The following KIF9 variants were observed in gnomAD, a reference collection of about 807,000 sequenced individuals.
KIF9 encodes the protein kinesin-like protein KIF9.
Under a neutral mutation model 94.8 loss-of-function variants are expected in KIF9, and 68 were observed. The ratio of observed to expected loss-of-function variants is 0.72; its 90% CI spans 0.59 to 0.88. KIF9 has a LOEUF of 0.88. KIF9 is among the 40% of genes least tolerant of loss of function. The pLI, the probability that KIF9 is intolerant of heterozygous loss-of-function variation, is 0.00. For missense variants in KIF9, 882 were observed against 982.5 expected, an observed-to-expected ratio of 0.90 and a Z score of 1.37; for synonymous variants, 343 against 362.1, an observed-to-expected ratio of 0.95 and a Z score of 0.60.
At position 47,236,023 on chromosome 3, in the gene KIF9, G is replaced by C; in HGVS notation, c.2217+11C>G. The C allele has an allele frequency of 6.2e-7, 1 of 1,602,954 alleles. No homozygotes were observed. The highest frequency in any genetic ancestry group is 8.5e-7 in the Non-Finnish European group (1 of 1,170,114). ...CAACCACTGCCACACCCCTGCCCCT[G>C]TGCCGCTCACCAGAGACACAATCCT... On this transcript the variant is annotated intron_variant, in intron 19 of 20. Transcript: ENST00000684063.
At chr3:47,253,808 T>G (rs1309564858) in intron 10 of KIF9, among the ~76,000 whole-genome samples, 1 of 152,224 alleles carries the variant, frequency 6.6e-6, no homozygotes, top group Non-Finnish European at 1.5e-5. Context: ...ATTATGTTTC[T>G]AATTTTTTGC....
chr3:47,261,403 G>A (rs1385632165), intron 9 of KIF9, among the ~76,000 whole-genome samples: 2 of 152,186 alleles, frequency 1.3e-5, no homozygotes, highest in East Asian at 1.9e-4. Flanking sequence ...GCAGCTATGG[G>A]AGCAGGCCCA....
chr3:47,253,882 C>T (rs1213071381), intron 10 of KIF9, among the ~76,000 whole-genome samples: 1 of 152,158 alleles, frequency 6.6e-6, no homozygotes, highest in African/African-American at 2.4e-5. Flanking sequence ...TATAAAGAGA[C>T]TTATAGACTC....
At chr3:47,234,638 T>A (rs1310857012) in intron 20 of KIF9, among the ~76,000 whole-genome samples, 1 of 149,484 alleles carries the variant, frequency 6.7e-6, no homozygotes, top group Non-Finnish European at 1.5e-5. Context: ...CACTGCAACC[T>A]CTACCTCCCA....
At chr3:47,276,294 G>T (rs1022575297) in intron 2 of KIF9, among the ~76,000 whole-genome samples, 2 of 152,128 alleles carry the variant, frequency 1.3e-5, no homozygotes, top group Non-Finnish European at 2.9e-5. Flanking sequence ...GGTGGCTCAC[G>T]CCTGTAATCC....
intron 16 of KIF9, among the ~76,000 whole-genome samples, chr3:47,242,265 TA>T (rs1699625382): frequency 6.6e-6 from 1 of 152,178 alleles, no homozygotes; most frequent in African/African-American, 2.4e-5. Flanking sequence ...TTCATGTTAT[TA>T]AAAACCCTTT....
chr3:47,265,945 TC>T, intron 7 of KIF9, 68 bp from the exon 8 acceptor site: 2 of 1,560,108 alleles, frequency 1.3e-6, no homozygotes, highest in Non-Finnish European at 1.8e-6. Context: ...ATAGCAGTCT[TC>T]CTGGTCTGGA....
intron 20 of KIF9, among the ~76,000 whole-genome samples, chr3:47,229,945 G>A (rs1698437182): frequency 6.6e-6 from 1 of 152,024 alleles, no homozygotes; most frequent in Admixed American, 6.5e-5. Flanking sequence ...TGTTAGCCAG[G>A]CTGGTCCTGA....
intron 3 of KIF9, 83 bp downstream of exon 3, chr3:47,275,242 C>T: frequency 9.4e-7 from 1 of 1,059,752 alleles, no homozygotes; most frequent in South Asian, 1.6e-5. Context: ...AGTGAGTGAG[C>T]TTTTATTTTA....
intron 17 of KIF9, among the ~76,000 whole-genome samples, chr3:47,237,787 T>C (rs769804668): frequency 6.6e-6 from 1 of 152,218 alleles, no homozygotes; most frequent in Non-Finnish European, 1.5e-5. Flanking sequence ...AATGGAGTCA[T>C]TAATGGAAAA....
chr3:47,282,677 G>T lies in KIF9; in HGVS notation c.-188C>A. The T allele has an allele frequency of 1.5e-6, 2 of 1,323,634 alleles. No individual in the cohort carries two copies. The highest frequency in any genetic ancestry group is 1.9e-6 in the Non-Finnish European group (2 of 1,027,536). The allele number at this position is 1,323,634 out of a possible 1,614,324, so 82.0% of individuals were successfully genotyped here. On this transcript the variant is annotated 5_prime_UTR_variant, in exon 1 of 21. Transcript: ENST00000684063. ...GTCCTACGTCGAGGATACGGGTGAG[G>T]TCATGGCCGAATCGGGAAGACGAGA...
chr3:47,238,087 CT>C (rs965244660), intron 17 of KIF9, among the ~76,000 whole-genome samples: 1 of 152,130 alleles, frequency 6.6e-6, no homozygotes, highest in Non-Finnish European at 1.5e-5. Flanking sequence ...TTACATTTTT[CT>C]TTTTTTCTTT....
chr3:47,249,209 A>T (rs11712779), intron 10 of KIF9, among the ~76,000 whole-genome samples: 1 of 150,632 alleles, frequency 6.6e-6, no homozygotes, highest in East Asian at 2.0e-4. Flanking sequence ...ACAGTGGCGC[A>T]ATCTTGGCTC....
At chr3:47,261,128 G>T (rs1447138610) in intron 9 of KIF9, among the ~76,000 whole-genome samples, 1 of 152,232 alleles carries the variant, frequency 6.6e-6, no homozygotes, top group African/African-American at 2.4e-5. Flanking sequence ...CAGTAACAAG[G>T]CCAAAAATTC....
Position 47,267,042 on chromosome 3 carries a change from T to G in KIF9, c.702A>C (p.Glu234Asp), listed in dbSNP as rs1426007880. 1 of 1,613,932 alleles carries G rather than the reference T, an allele frequency of 6.2e-7. No individual in the cohort carries two copies. The highest frequency in any genetic ancestry group is 1.7e-5 in the Admixed American group (1 of 59,958). ...AGTTAATTTTGGAAGTGATGTACTT[T>G]TCCTCTGATAAGGTCCGGGAATGGG... ...LEAHSRTLSE[E>D]KYITSKINLV... Residue 234 changes from glutamate to aspartate, a missense_variant, in exon 7 of 21, where the codon GAA becomes GAC. Transcript: ENST00000684063.
At position 47,256,123 on chromosome 3, in the gene KIF9, C is replaced by T. The variant is rs1038111876; in HGVS notation, c.1059+1360G>A. ...CTCGGCTCGCTACAACTTCCACCTC[C>T]CAGCCGCCTGCCTTGGCCTCCCAAA... On this transcript the variant is annotated intron_variant, in intron 10 of 20. Transcript: ENST00000684063. Among the ~76,000 whole-genome samples, 10 of 152,368 alleles carry T rather than the reference C, an allele frequency of 6.6e-5. No individual in the cohort carries two copies. The South Asian group carries it at 2.1e-3, about 32-fold the overall frequency.
At chr3:47,265,014 T>G (rs1701205287) in intron 8 of KIF9, among the ~76,000 whole-genome samples, 2 of 152,184 alleles carry the variant, frequency 1.3e-5, no homozygotes, top group South Asian at 4.1e-4. Context: ...TCTTGAACCT[T>G]CCAGTCTCCA....
At chr3:47,256,488 C>T in intron 10 of KIF9, among the ~76,000 whole-genome samples, 1 of 151,648 alleles carries the variant, frequency 6.6e-6, no homozygotes, top group African/African-American at 2.4e-5. Context: ...TCAGCCCCCG[C>T]CAGGCCAGCC....
intron 20 of KIF9, among the ~76,000 whole-genome samples, chr3:47,230,599 C>T (rs1483138768): frequency 6.6e-6 from 1 of 151,804 alleles, no homozygotes; most frequent in Non-Finnish European, 1.5e-5. Context: ...GTAGTGGTGG[C>T]GCATGCCTAT....
Sources: allele counts gnomAD v4.1 joint callset (sites outside exome capture counted in the v4.1 genomes callset), GRCh38; gene constraint gnomAD v4.1.1; transcripts MANE v1.5; gene names NCBI Gene and HGNC (gene_info 2026-07-23, HGNC 2026-07-21).